The following DCAF6 variants were observed in gnomAD, a reference collection of about 807,000 sequenced individuals.
The protein encoded by DCAF6 is DDB1- and CUL4-associated factor 6.
Under a neutral mutation model 125.1 loss-of-function variants are expected in DCAF6, and 54 were observed. The observed-to-expected ratio is 0.43, with a 90% CI of 0.35 to 0.54. The LOEUF (loss-of-function observed/expected upper bound fraction) is 0.54, where lower values mean the gene tolerates loss of function less well. Among genes scored for constraint, DCAF6 ranks in the 20% least tolerant of loss-of-function variants. The pLI, the probability that DCAF6 is intolerant of heterozygous loss-of-function variation, is 0.01. For missense variants in DCAF6, 934 were observed against 1,161.7 expected (o/e 0.80, Z 2.85); for synonymous variants, 371 against 390.4 (o/e 0.95, Z 0.58).
At chr1:167,981,729 G>A (rs1679188371) in intron 4 of DCAF6, among the ~76,000 whole-genome samples, 1 of 152,186 alleles carries the variant, frequency 6.6e-6, no homozygotes, top group African/African-American at 2.4e-5. Context: ...TTTTGTGGCT[G>A]CATAGTGTTC....
At chr1:167,971,700 A>G (rs990340826) in intron 3 of DCAF6, among the ~76,000 whole-genome samples, 5 of 152,194 alleles carry the variant, frequency 3.3e-5, no homozygotes, top group Admixed American at 3.3e-4. Flanking sequence ...CATTGCAATT[A>G]TCAATATGTT....
chr1:167,924,661 A>G, the DCAF6 span: 1 of 642,728 alleles, frequency 1.6e-6, no homozygotes, highest in South Asian at 2.3e-5. Context: ...CACTTTTACT[A>G]TGCTTTTTGC....
the DCAF6 span, among the ~76,000 whole-genome samples, chr1:167,892,752 C>A: frequency 6.6e-6 from 1 of 152,118 alleles, no homozygotes; most frequent in Non-Finnish European, 1.5e-5. Context: ...CTGGACAGGC[C>A]TTTGTTACAA....
chr1:168,028,318 ATTG>A (rs1169471804), intron 12 of DCAF6, among the ~76,000 whole-genome samples: 1 of 152,112 alleles, frequency 6.6e-6, no homozygotes, highest in African/African-American at 2.4e-5. Context: ...AGAATATGTA[ATTG>A]TTGTTTTGAG....
intron 10 of DCAF6, among the ~76,000 whole-genome samples, chr1:168,007,968 T>TC (rs1344037190): frequency 7.3e-6 from 1 of 136,678 alleles, no homozygotes; most frequent in Non-Finnish European, 1.6e-5. Flanking sequence ...ACATCTTTTT[T>TC]TTTTTTTTTT....
intron 1 of DCAF6, among the ~76,000 whole-genome samples, chr1:167,938,197 T>C (rs768169832): frequency 3.9e-5 from 6 of 152,232 alleles, no homozygotes; most frequent in Admixed American, 2.6e-4. Flanking sequence ...GTTTTCTGAA[T>C]ATTCTTCCAG....
intron 12 of DCAF6, 40 bp from the exon 13 acceptor site, chr1:168,038,331 T>C (rs1688098617): frequency 6.9e-7 from 1 of 1,451,324 alleles, no homozygotes; most frequent in African/African-American, 1.4e-5. Flanking sequence ...TTTTTACTGG[T>C]TTCAGAGACT....
At chr1:167,970,727 A>G (rs1376515602) in intron 3 of DCAF6, among the ~76,000 whole-genome samples, 2 of 152,184 alleles carry the variant, frequency 1.3e-5, no homozygotes, top group Non-Finnish European at 2.9e-5. Flanking sequence ...CCATGAGTCA[A>G]ATACTACCTG....
intron 17 of DCAF6, among the ~76,000 whole-genome samples, chr1:168,062,888 G>A (rs1691780295): frequency 6.7e-6 from 1 of 148,396 alleles, no homozygotes; most frequent in South Asian, 2.2e-4. Flanking sequence ...GAAGGCCCTT[G>A]TTTTATTGCT....
chr1:167,951,999 A>T, intron 2 of DCAF6, 138 bp downstream of exon 2: 1 of 535,790 alleles, frequency 1.9e-6, no homozygotes. Context: ...AAAATATAAA[A>T]TTATATTTTG....
At position 168,015,961 on chromosome 1, in the gene DCAF6, G is replaced by C; in HGVS notation, c.1549+10G>C. 1 of 1,472,108 alleles carries C rather than the reference G, an allele frequency of 6.8e-7. No individual in the cohort carries two copies. The highest frequency in any genetic ancestry group is 9.0e-7 in the Non-Finnish European group (1 of 1,106,462). The allele number at this position is 1,472,108 out of a possible 1,614,324, so 91.2% of individuals were successfully genotyped here. On this transcript the variant is annotated intron_variant, in intron 11 of 21. Coordinates refer to ENST00000367840, the MANE Select transcript of DCAF6 (RefSeq NM_001198956.2). ...GACCCTCATGCTTCAGGTTATTAAT[G>C]TCAAGTGTCCTTAAGCAGCTGATAG...
chr1:167,901,324 T>C, the DCAF6 span, among the ~76,000 whole-genome samples: 5 of 152,204 alleles, frequency 3.3e-5, no homozygotes, highest in Non-Finnish European at 7.3e-5. Flanking sequence ...TTTTGTTTTA[T>C]ACTGCACAAC....
chr1:168,074,956 CAT>C (rs1161284973), intron 21 of DCAF6, among the ~76,000 whole-genome samples: 1 of 152,142 alleles, frequency 6.6e-6, no homozygotes, highest in Non-Finnish European at 1.5e-5. Flanking sequence ...ATGCCTGGAA[CAT>C]AGTATTTAAT....
At position 167,961,367 on chromosome 1, in the gene DCAF6, C is replaced by T. The variant is rs151003767; in HGVS notation, c.160-5262C>T. Among the ~76,000 whole-genome samples, 760 of 152,198 alleles carry T rather than the reference C, an allele frequency of 5.0e-3. 8 individuals carry two copies. The East Asian group carries it at 0.057, about 11-fold the overall frequency. The stretch of plus-strand genomic sequence containing the variant: ...ATGCCATTCTTCTGCCTCAGCCTCC[C>T]GAGTAGCTGGGACTACAGGTGCCCA... On this transcript the variant is annotated intron_variant, in intron 2 of 21. Transcript: ENST00000367840.
chr1:168,061,744 C>G (rs1339365031), intron 17 of DCAF6, among the ~76,000 whole-genome samples: 4 of 152,002 alleles, frequency 2.6e-5, no homozygotes, highest in Non-Finnish European at 5.9e-5. Flanking sequence ...GCTTATATTA[C>G]TTAATTTCTC....
At chr1:167,883,940 A>C in the DCAF6 span, among the ~76,000 whole-genome samples, 1 of 152,102 alleles carries the variant, frequency 6.6e-6, no homozygotes, top group African/African-American at 2.4e-5. Context: ...TGGCTCTCCT[A>C]TTTTTAAAAA....
Position 167,990,273 on chromosome 1 carries a change from C to T in DCAF6, c.553-931C>T, listed in dbSNP as rs575137864. Among the ~76,000 whole-genome samples, 286 of 152,026 alleles carry T rather than the reference C, an allele frequency of 1.9e-3. 3 individuals are homozygous for T. Among genetic ancestry groups the T allele is most frequent in the African/African-American group, 6.7e-3 (276 of 41,468 alleles). ...GTCCTAGCCACTTGAGAGGCTGAGA[C>T]AGGAGGATCACCTGACCTCAAGAGT... On this transcript the variant is annotated intron_variant, in intron 5 of 21. Transcript: ENST00000367840.
chr1:168,053,813 G>A (rs889836623), intron 17 of DCAF6, among the ~76,000 whole-genome samples: 5 of 152,128 alleles, frequency 3.3e-5, no homozygotes, highest in African/African-American at 9.7e-5. Context: ...TGCAGTTTAC[G>A]CAAGCTGGCC....
the DCAF6 span, among the ~76,000 whole-genome samples, chr1:167,908,592 G>A: frequency 9.9e-5 from 15 of 152,082 alleles, no homozygotes; most frequent in Non-Finnish European, 1.9e-4. Context: ...GAGATGATAC[G>A]TTAATTACCT....
Sources: gnomAD v4.1 joint callset for allele counts (sites outside exome capture counted in the v4.1 genomes callset) on GRCh38, gnomAD v4.1.1 for gene constraint, MANE v1.5 for transcripts, NCBI Gene and HGNC (gene_info 2026-07-23, HGNC 2026-07-21) for gene names.